KLHL29: variants seen among roughly 807,000 people sequenced by gnomAD.
KLHL29 encodes the protein kelch like family member 29.
KLHL29 carries 21 observed loss-of-function variants against 80.4 expected under a neutral mutation model. The observed-to-expected ratio is 0.26, with a 90% CI of 0.19 to 0.38. KLHL29 has a LOEUF of 0.38. Among genes scored for constraint, KLHL29 ranks in the 10% least tolerant of loss-of-function variants. KLHL29 has a pLI of 1.00. For missense variants in KLHL29, 867 were observed against 1,223.9 expected, an observed-to-expected ratio of 0.71 and a Z score of 4.35; for synonymous variants, 511 against 526.8, an observed-to-expected ratio of 0.97 and a Z score of 0.41.
At chr2:23,697,547 T>TA (rs1672041883) in intron 11 of KLHL29, 1 of 152,220 alleles carries the variant, frequency 6.6e-6, no homozygotes, top group Admixed American at 6.6e-5. Context: ...AAGCCACACA[T>TA]ACCCCTCAAT....
rs538227648 is a variant in KLHL29, at chr2:23,682,728, T to C, written c.941-1671T>C. 2.0e-5 allele frequency among the ~76,000 whole-genome samples: 3 copies of C among 151,742 alleles called. No homozygotes were observed. The highest frequency in any genetic ancestry group is 6.5e-5 in the Admixed American group (1 of 15,282). ...CCCTCCCACTGGTGCTCTGAGCCTG[T>C]TGGTCTCTGTCTGTAGCTCCCACCC... On this transcript the variant is annotated intron_variant, in intron 5 of 13. Transcript: ENST00000486442. This position sits in a 1 kb window ranked among gnomAD's most constrained non-coding sequence, Gnocchi z 4.1.
chr2:23,388,170 G>A (rs75654683), intron 1 of KLHL29, among the ~76,000 whole-genome samples: 5,989 of 152,224 alleles, frequency 0.039, 152 homozygotes, highest in Non-Finnish European at 0.059. Context: ...CTAATGAGTG[G>A]TGGTCATACT....
intron 3 of KLHL29, among the ~76,000 whole-genome samples, chr2:23,579,147 G>T (rs1382831218): frequency 6.6e-6 from 1 of 152,204 alleles, no homozygotes; most frequent in Non-Finnish European, 1.5e-5. Context: ...TGTGCCAAGA[G>T]CTTTCCATGT....
At chr2:23,560,263 CTTTTTTTTTTTTT>C (rs67065961) in intron 2 of KLHL29, among the ~76,000 whole-genome samples, 1 of 73,232 alleles carries the variant, frequency 1.4e-5, no homozygotes, top group African/African-American at 6.0e-5. Flanking sequence ...ATTGGATAGG[CTTTTTTTTTTTTT>C]TTTTTTTTTT....
At chr2:23,523,724 G>A (rs1194743234) in intron 2 of KLHL29, among the ~76,000 whole-genome samples, 2 of 152,272 alleles carry the variant, frequency 1.3e-5, no homozygotes, top group Admixed American at 6.5e-5. Flanking sequence ...TAGGAGCTGG[G>A]AAATGTCAGA....
At chr2:23,614,127 G>A (rs983261889) in intron 3 of KLHL29, among the ~76,000 whole-genome samples, 1 of 152,128 alleles carries the variant, frequency 6.6e-6, no homozygotes, top group African/African-American at 2.4e-5. Context: ...CCCATTTGTC[G>A]CTTACCTACC....
intron 5 of KLHL29, among the ~76,000 whole-genome samples, chr2:23,683,574 T>C (rs1180438052): frequency 6.6e-6 from 1 of 152,208 alleles, no homozygotes; most frequent in Non-Finnish European, 1.5e-5. Context: ...CTGGAGCCCA[T>C]GGGCCCGGGC....
chr2:23,532,605 C>T lies in KLHL29; in HGVS notation c.-45-29547C>T, dbSNP rs1321022086. 6.6e-6 allele frequency: 3 copies of T among 456,634 alleles called. No individual in the cohort carries two copies. The Admixed American group carries it at 7.0e-5, about 11-fold the overall frequency. 28.3% of individuals were successfully genotyped at this position (456,634 alleles called of 1,614,324 possible). A position where few individuals can be genotyped will look rare whatever the true frequency, so the allele number is the denominator to read the frequency against. On this transcript the variant is annotated intron_variant, in intron 2 of 13. Transcript: ENST00000486442. ...AAACACTTCCTTCAAGAATGCACCA[C>T]TGGAGTGACAAGATTGTAAGATTAT...
rs1459273442 is a variant in KLHL29, at chr2:23,503,896, G to A, written c.-46+28229G>A. On this transcript the variant is annotated intron_variant, in intron 2 of 13. Transcript: ENST00000486442. The surrounding 1 kb of genome is among the most constrained non-coding windows in gnomAD (Gnocchi z 4.0). ...GGCATTCAAATGATAGAATGCTTCT[G>A]CTGTGCCTGCATCCTTCCCTCCTCC... is the stretch of plus-strand genomic sequence containing the variant. Among the ~76,000 whole-genome samples the A allele has an allele frequency of 3.9e-5, 6 of 152,310 alleles. No homozygotes were observed. The highest frequency in any genetic ancestry group is 1.4e-4 in the African/African-American group (6 of 41,570).
intron 2 of KLHL29, among the ~76,000 whole-genome samples, chr2:23,520,542 GTCA>G (rs1280647512): frequency 6.6e-6 from 1 of 152,234 alleles, no homozygotes; most frequent in African/African-American, 2.4e-5. Flanking sequence ...GGAGGCCAAG[GTCA>G]GGCCACTGCC....
chr2:23,524,124 A>G (rs1666204864), intron 2 of KLHL29: 1 of 448,478 alleles, frequency 2.2e-6, no homozygotes, highest in South Asian at 1.6e-5. Context: ...CGGAGATGCA[A>G]GTGTTCCCAT....
intron 3 of KLHL29, among the ~76,000 whole-genome samples, chr2:23,575,086 C>A (rs950244981): frequency 6.6e-6 from 1 of 152,154 alleles, no homozygotes; most frequent in Non-Finnish European, 1.5e-5. Context: ...ATTTGCTCCT[C>A]CCCCAACAGC....
At chr2:23,623,074 C>G (rs550435223) in intron 3 of KLHL29, among the ~76,000 whole-genome samples, 130 of 152,282 alleles carry the variant, frequency 8.5e-4, no homozygotes, top group Admixed American at 3.6e-3. Context: ...GAGGAGGTGA[C>G]AAGAGCTGGT....
chr2:23,407,432 T>G (rs562706334), intron 1 of KLHL29, among the ~76,000 whole-genome samples: 102 of 152,296 alleles, frequency 6.7e-4, no homozygotes, highest in Middle Eastern at 3.4e-3. Context: ...TTGACGTACC[T>G]GTCCTCTGTT....
At chr2:23,390,650 CT>C (rs70941576) in intron 1 of KLHL29, among the ~76,000 whole-genome samples, 97 of 120,228 alleles carry the variant, frequency 8.1e-4, no homozygotes, top group African/African-American at 1.5e-3. Context: ...ACCATCTTTA[CT>C]TTTTTTTTTT....
chr2:23,560,795 G>A (rs1667427919), intron 2 of KLHL29, among the ~76,000 whole-genome samples: 1 of 152,194 alleles, frequency 6.6e-6, no homozygotes, highest in African/African-American at 2.4e-5. Flanking sequence ...GTAGAACATG[G>A]GTAGGAGGCT....
chr2:23,427,950 G>A (rs1000712061), intron 1 of KLHL29, among the ~76,000 whole-genome samples: 3 of 152,186 alleles, frequency 2.0e-5, no homozygotes, highest in Non-Finnish European at 2.9e-5. Context: ...ATACCTGGGC[G>A]GCTCCCGTTT....
rs558483803 is a variant in KLHL29 at position 23,602,120 on chromosome 2, C to T, written c.286-37019C>T. 2.0e-4 allele frequency among the ~76,000 whole-genome samples: 30 copies of T among 152,308 alleles called. No individual in the cohort carries two copies. In the South Asian group the frequency reaches 4.6e-3, roughly 23 times the overall value. On this transcript the variant is annotated intron_variant, in intron 3 of 13. Transcript: ENST00000486442. ...CATCCCTGGTCCCCCTGTGCCATGA[C>T]GAGCACAGAGTATCCACTGCTCATT...
At chr2:23,522,001 C>T (rs1320328003) in intron 2 of KLHL29, among the ~76,000 whole-genome samples, 1 of 152,182 alleles carries the variant, frequency 6.6e-6, no homozygotes, top group African/African-American at 2.4e-5. Context: ...TTGCCATGGT[C>T]ATTGTTTTTG....
Sources: allele counts gnomAD v4.1 joint callset (sites outside exome capture counted in the v4.1 genomes callset), GRCh38; gene constraint gnomAD v4.1.1; non-coding constraint Gnocchi (gnomAD v3.1); transcripts MANE v1.5; gene names NCBI Gene and HGNC (gene_info 2026-07-23, HGNC 2026-07-21).